PCDHGA6: variants seen among roughly 807,000 people sequenced by gnomAD.
PCDHGA6 encodes protocadherin gamma subfamily A, 6.
In PCDHGA6, 41 loss-of-function variants were observed where a neutral mutation model predicts 60.6. The ratio of observed to expected loss-of-function variants is 0.68; its 90% confidence interval spans 0.53 to 0.88. The LOEUF (loss-of-function observed/expected upper bound fraction) is 0.88, where lower values mean the gene tolerates loss of function less well. Ranked by LOEUF, PCDHGA6 falls within the 40% of genes least tolerant of loss-of-function variation. The probability of loss-of-function intolerance (pLI) is 0.00; values close to 1 mark genes in which losing one functional copy is unlikely to be tolerated. For missense variants in PCDHGA6, 1,312 were observed against 1,203.0 expected (o/e 1.09, Z -1.34); for synonymous variants, 594 against 524.4 (o/e 1.13, Z -1.81).
intron 1 of PCDHGA6, chr5:141,384,446 C>A (rs781605513): frequency 6.2e-7 from 1 of 1,613,916 alleles, no homozygotes; most frequent in African/African-American, 1.3e-5. Flanking sequence ...GTCCTGTACG[C>A]GCTGCAATCC....
intron 1 of PCDHGA6, chr5:141,441,038 G>T (rs1263659082): frequency 1.3e-5 from 2 of 152,156 alleles, no homozygotes; most frequent in Non-Finnish European, 2.9e-5. Flanking sequence ...AAAACTTTAA[G>T]TACATTGGAC....
intron 1 of PCDHGA6, among the ~76,000 whole-genome samples, chr5:141,449,391 G>A (rs1020753910): frequency 1.3e-5 from 2 of 151,876 alleles, no homozygotes; most frequent in Non-Finnish European, 2.9e-5. Context: ...TGGATTACTT[G>A]AGGCCAGGAG....
chr5:141,384,731 C>T, intron 1 of PCDHGA6: 1 of 1,614,086 alleles, frequency 6.2e-7, no homozygotes, highest in South Asian at 1.1e-5. Context: ...CTGCTTAAGG[C>T]CAGCGAGCCA....
intron 1 of PCDHGA6, chr5:141,441,674 CT>C: frequency 3.4e-6 from 1 of 293,692 alleles, no homozygotes; most frequent in Non-Finnish European, 6.7e-6. Flanking sequence ...CACAGTGCGC[CT>C]TCGACCAAGA....
chr5:141,447,328 C>T (rs546209008), intron 1 of PCDHGA6, among the ~76,000 whole-genome samples: 39 of 151,886 alleles, frequency 2.6e-4, no homozygotes, highest in Admixed American at 7.2e-4. Flanking sequence ...TTAGTAGAGA[C>T]GGGTTTCATC....
At chr5:141,429,489 A>G (rs2097218567) in intron 1 of PCDHGA6, among the ~76,000 whole-genome samples, 1 of 152,062 alleles carries the variant, frequency 6.6e-6, no homozygotes, top group South Asian at 2.1e-4. Context: ...AGCTGAGACT[A>G]CAGTTGCCTG....
At chr5:141,458,984 C>T (rs2098958355) in intron 1 of PCDHGA6, among the ~76,000 whole-genome samples, 1 of 152,204 alleles carries the variant, frequency 6.6e-6, no homozygotes, top group Non-Finnish European at 1.5e-5. Context: ...CCTCCTGCCT[C>T]ACCCTCCCAA....
intron 1 of PCDHGA6, among the ~76,000 whole-genome samples, chr5:141,492,882 C>G (rs2099744816): frequency 6.6e-6 from 1 of 152,218 alleles, no homozygotes; most frequent in Admixed American, 6.5e-5. Context: ...CCCAGAGATA[C>G]AGGCTTTTGG....
chr5:141,430,666 G>A (rs2097301396), intron 1 of PCDHGA6: 1 of 1,222,518 alleles, frequency 8.2e-7, no homozygotes, highest in Admixed American at 2.7e-5. Flanking sequence ...GAGGAGCTCT[G>A]ACTTCCCAAC....
intron 1 of PCDHGA6, chr5:141,421,032 C>A: frequency 1.9e-6 from 1 of 533,288 alleles, no homozygotes; most frequent in Non-Finnish European, 3.3e-6. Flanking sequence ...GCCATTGAGT[C>A]CCTCCCTCCC....
intron 1 of PCDHGA6, 162 bp from the exon 2 acceptor site, chr5:141,494,645 G>A: frequency 1.1e-6 from 1 of 935,948 alleles, no homozygotes. Flanking sequence ...GAGACCTGAG[G>A]TGTATTTTGT....
rs201540226 is a variant in PCDHGA6, at chr5:141,399,196, G to T, written c.2424+22689G>T. On this transcript the variant is annotated intron_variant, in intron 1 of 3. Coordinates refer to ENST00000517434, the MANE Select transcript of PCDHGA6 (RefSeq NM_018919.3). ...ACTTGAAATGATTCTGGAAAACGCG[G>T]TGCCTGGAACACTAATTGCTTTGAT... The T allele has an allele frequency of 4.2e-5, 67 of 1,613,820 alleles. 1 individual carries two copies. In the African/African-American group the frequency reaches 5.7e-4, roughly 14 times the overall value.
chr5:141,432,763 C>T lies in PCDHGA6; in HGVS notation c.2424+56256C>T. The T allele has an allele frequency of 6.2e-7, 1 of 1,614,152 alleles. No homozygotes were observed. The highest frequency in any genetic ancestry group is 8.5e-7 in the Non-Finnish European group (1 of 1,180,004). ...TCACCGTGGCCGTGGCCGACAGCAT[C>T]CCCCAAGTCCTGGCGGACCTCGGCA... On this transcript the variant is annotated intron_variant, in intron 1 of 3. Transcript: ENST00000517434. This position sits in a 1 kb window ranked among gnomAD's most constrained non-coding sequence, Gnocchi z 6.0.
At position 141,470,874 on chromosome 5, in the gene PCDHGA6, T is replaced by G. The variant is rs146599745; in HGVS notation, c.2425-23933T>G. ...AGATAAGTTTTTTGTTTGTTTGTTT[T>G]TTTGTTTTTGTTTTTGTTTTTTGTA... On this transcript the variant is annotated intron_variant, in intron 1 of 3. Coordinates refer to ENST00000517434, the MANE Select transcript of PCDHGA6 (RefSeq NM_018919.3). 1.4e-3 allele frequency among the ~76,000 whole-genome samples: 218 copies of G among 151,820 alleles called. 1 individual carries two copies. Among genetic ancestry groups the G allele is most frequent in the Middle Eastern group, 0.01 (3 of 294 alleles).
intron 1 of PCDHGA6, chr5:141,422,951 G>C (rs1382138030): frequency 3.7e-6 from 6 of 1,614,236 alleles, no homozygotes; most frequent in South Asian, 3.3e-5. Flanking sequence ...GGCTCCACTG[G>C]CGTGGAGCTG....
intron 1 of PCDHGA6, chr5:141,383,863 C>T: frequency 6.2e-7 from 1 of 1,613,890 alleles, no homozygotes; most frequent in South Asian, 1.1e-5. Flanking sequence ...GGTTCAGGCT[C>T]AAGATGGTCC....
chr5:141,491,964 C>T lies in PCDHGA6; in HGVS notation c.2425-2843C>T, dbSNP rs1382490003. 2.1e-6 allele frequency: 2 copies of T among 943,836 alleles called. No individual in the cohort carries two copies. The highest frequency in any genetic ancestry group is 3.0e-6 in the Non-Finnish European group (2 of 671,104). 58.5% of individuals were successfully genotyped at this position (943,836 alleles called of 1,614,324 possible). On this transcript the variant is annotated intron_variant, in intron 1 of 3. Transcript: ENST00000517434. The surrounding 1 kb of genome is among the most constrained non-coding windows in gnomAD (Gnocchi z 6.9). ...CCCCACCCCTACACTCAAAAAAGGC[C>T]GGGGCCTCCTTCGAGCTTCCGGTGA...
chr5:141,491,500 G>A lies in PCDHGA6; in HGVS notation c.2425-3307G>A. ...CAGCCCCAACCTGCAGGTGAGCTCG[G>A]ACGGCACGCTCAAGTACATGGAGGT... On this transcript the variant is annotated intron_variant, in intron 1 of 3. Transcript: ENST00000517434. The surrounding 1 kb of genome is among the most constrained non-coding windows in gnomAD (Gnocchi z 6.9). 3 of 1,614,102 alleles carry A rather than the reference G, an allele frequency of 1.9e-6. No homozygotes were observed. The highest frequency in any genetic ancestry group is 2.7e-5 in the African/African-American group (2 of 75,066).
Position 141,491,274 on chromosome 5 carries a change from T to C in PCDHGA6, c.2425-3533T>C, listed in dbSNP as rs2099710140. On this transcript the variant is annotated intron_variant, in intron 1 of 3. Transcript: ENST00000517434. The surrounding 1 kb of genome is among the most constrained non-coding windows in gnomAD (Gnocchi z 6.9). ...ACCCTGAGGAAATGCCCAAATCCAG[T>C]GACTTCCTCATACACCCTCCTGAGC... The C allele has an allele frequency of 6.2e-7, 1 of 1,614,102 alleles. No individual in the cohort carries two copies. Among genetic ancestry groups the C allele is most frequent in the Non-Finnish European group, 8.5e-7 (1 of 1,179,914 alleles).
Sources: allele counts gnomAD v4.1 joint callset (sites outside exome capture counted in the v4.1 genomes callset), GRCh38; gene constraint gnomAD v4.1.1; non-coding constraint Gnocchi (gnomAD v3.1); transcripts MANE v1.5; gene names NCBI Gene and HGNC (gene_info 2026-07-23, HGNC 2026-07-21).